Variants in TM4SF5 observed in about 807,000 individuals in gnomAD.
TM4SF5 encodes transmembrane 4 L6 family member 5.
Under a neutral mutation model 22.3 loss-of-function variants are expected in TM4SF5, and 16 were observed. That is an observed-to-expected ratio of 0.72 (90% CI 0.49 to 1.09). TM4SF5 has a LOEUF of 1.09. TM4SF5 is among the 50% of genes least tolerant of loss of function. The probability of loss-of-function intolerance (pLI) is 0.00; values close to 1 mark genes in which losing one functional copy is unlikely to be tolerated. For missense variants in TM4SF5, 249 were observed against 266.1 expected, an observed-to-expected ratio of 0.94 and a Z score of 0.45; for synonymous variants, 113 against 109.6, an observed-to-expected ratio of 1.03 and a Z score of -0.19.
chr17:4,782,728 G>T, intron 3 of TM4SF5, 89 bp downstream of exon 3: 1 of 1,581,454 alleles, frequency 6.3e-7, no homozygotes, highest in Non-Finnish European at 8.6e-7. Context: ...GGCGGGACTC[G>T]ACTTCGAGGG....
chr17:4,777,204 A>C (rs920007075), intron 1 of TM4SF5, among the ~76,000 whole-genome samples: 1 of 151,818 alleles, frequency 6.6e-6, no homozygotes, highest in African/African-American at 2.4e-5. Flanking sequence ...CTCAAAAAAA[A>C]AAAAAAAGAA....
At chr17:4,780,607 C>T (rs1342503816) in intron 1 of TM4SF5, among the ~76,000 whole-genome samples, 182 bp from the exon 2 acceptor site, 2 of 152,094 alleles carry the variant, frequency 1.3e-5, no homozygotes, top group African/African-American at 4.8e-5. Context: ...ATAAGGTAGG[C>T]ACGTAAATAA....
chr17:4,779,288 G>A (rs1917257504), intron 1 of TM4SF5, among the ~76,000 whole-genome samples: 1 of 151,966 alleles, frequency 6.6e-6, no homozygotes, highest in South Asian at 2.1e-4. Flanking sequence ...AATTAGCTGG[G>A]AATGATGACG....
intron 1 of TM4SF5, among the ~76,000 whole-genome samples, chr17:4,776,892 A>G (rs543119457): frequency 6.6e-6 from 1 of 152,264 alleles, no homozygotes; most frequent in African/African-American, 2.4e-5. Context: ...GAAGGTCTGC[A>G]ATATATACAG....
intron 1 of TM4SF5, among the ~76,000 whole-genome samples, chr17:4,774,482 T>G (rs920810745): frequency 6.8e-6 from 1 of 147,556 alleles, no homozygotes; most frequent in South Asian, 2.2e-4. Flanking sequence ...AAATGAAAGA[T>G]TGCAGTGAGC....
At chr17:4,775,727 A>G (rs951329413) in intron 1 of TM4SF5, among the ~76,000 whole-genome samples, 17 of 152,168 alleles carry the variant, frequency 1.1e-4, no homozygotes, top group Admixed American at 8.5e-4. Flanking sequence ...AAGCCCAGAC[A>G]TGCTTCTCAC....
rs773396153 is a variant in TM4SF5, at chr17:4,782,950, C to T, written c.492C>T (p.Ala164=). The T allele has an allele frequency of 1.9e-5, 31 of 1,614,120 alleles. No individual in the cohort carries two copies. The highest frequency in any genetic ancestry group is 2.7e-5 in the African/African-American group (2 of 74,944). Reference sequence around the variant, plus strand: ...TGACGCTCTTCTCGCTGCTGGTGGCCGCCTCCTGCCTGGAGATAGTACTGT... The same window carrying T: ...TGACGCTCTTCTCGCTGCTGGTGGCTGCCTCCTGCCTGGAGATAGTACTGT... ...WNVTLFSLLV[A]ASCLEIVLCG... Residue 164 remains alanine, a synonymous_variant, in exon 4 of 5, where the codon GCC becomes GCT. Coordinates refer to ENST00000270560, the MANE Select transcript of TM4SF5 (RefSeq NM_003963.3).
rs199651917 is a variant in TM4SF5 at position 4,783,051 on chromosome 17, C to T, written c.579+14C>T. ...AGGAAAAAACAGGTGAAATTTCTTG[C>T]GGTGGAGTTGTAGAGGGAACCTGCC... On this transcript the variant is annotated intron_variant, in intron 4 of 4. Transcript: ENST00000270560. 45 of 1,614,096 alleles carry T rather than the reference C, an allele frequency of 2.8e-5. No individual in the cohort carries two copies. In the Middle Eastern group the frequency reaches 8.2e-4, roughly 30 times the overall value.
intron 1 of TM4SF5, among the ~76,000 whole-genome samples, chr17:4,775,066 C>T (rs1917181340): frequency 1.3e-5 from 2 of 151,976 alleles, no homozygotes; most frequent in Admixed American, 6.6e-5. Flanking sequence ...GTTGCAGACA[C>T]TAGGGGCTGG....
chr17:4,781,993 G>A (rs1917318042), intron 2 of TM4SF5, among the ~76,000 whole-genome samples: 1 of 152,022 alleles, frequency 6.6e-6, no homozygotes, highest in African/African-American at 2.4e-5. Flanking sequence ...GGTGGGGTGG[G>A]GCCTGGGAGT....
intron 2 of TM4SF5, 136 bp downstream of exon 2, chr17:4,781,005 C>G (rs1385004892): frequency 2.8e-6 from 2 of 705,542 alleles, no homozygotes; most frequent in East Asian, 3.1e-5. Flanking sequence ...ATGGCAAGAT[C>G]CCTATCTCTA....
chr17:4,781,886 C>T (rs2150648256), intron 2 of TM4SF5, among the ~76,000 whole-genome samples: 1 of 152,102 alleles, frequency 6.6e-6, no homozygotes, highest in Non-Finnish European at 1.5e-5. Context: ...AAGCCAGCGG[C>T]CGCCGAGATT....
chr17:4,778,540 G>T (rs1917246062), intron 1 of TM4SF5, among the ~76,000 whole-genome samples: 2 of 152,114 alleles, frequency 1.3e-5, no homozygotes, highest in Non-Finnish European at 2.9e-5. Flanking sequence ...CCAGGAGGTT[G>T]AGGATGCAGT....
chr17:4,774,267 G>T (rs61479360), intron 1 of TM4SF5, among the ~76,000 whole-genome samples: 25,647 of 151,624 alleles, frequency 0.17, 2,354 homozygotes, highest in African/African-American at 0.2. Context: ...ACACAGACAG[G>T]TTCCTGCTCT....
Position 4,782,509 on chromosome 17 carries a change from C to G in TM4SF5, c.265C>G (p.Arg89Gly). 2 of 1,613,996 alleles carry G rather than the reference C, an allele frequency of 1.2e-6. No individual in the cohort carries two copies. Among genetic ancestry groups the G allele is most frequent in the Non-Finnish European group, 1.7e-6 (2 of 1,180,000 alleles). Residue 89 changes from arginine to glycine, a missense_variant, in exon 3 of 5, where the codon CGC (arginine) becomes GGC (glycine). Physicochemically the swap from Arg to Gly is moderately radical, Grantham distance 125. Transcript: ENST00000270560. ...GCCGNRCRMLRSVFSSAFGVL... is the reference protein window; with the variant it reads ...GCCGNRCRMLGSVFSSAFGVL... ...CCTTCCACACCACATCCAGATGCTG[C>G]GCTCGGTCTTCTCCTCGGCGTTCGG...
chr17:4,777,983 C>A (rs978533447), intron 1 of TM4SF5, among the ~76,000 whole-genome samples: 1 of 149,516 alleles, frequency 6.7e-6, no homozygotes, highest in African/African-American at 2.5e-5. Flanking sequence ...GAGGTCGAGG[C>A]TGCAGTGAGC....
chr17:4,781,381 G>A (rs1393144025), intron 2 of TM4SF5, among the ~76,000 whole-genome samples: 6 of 150,226 alleles, frequency 4.0e-5, no homozygotes, highest in African/African-American at 9.8e-5. Flanking sequence ...GGTGGTGGGC[G>A]CCTGTAATCC....
At chr17:4,774,829 C>A (rs1917178465) in intron 1 of TM4SF5, among the ~76,000 whole-genome samples, 1 of 152,144 alleles carries the variant, frequency 6.6e-6, no homozygotes, top group African/African-American at 2.4e-5. Flanking sequence ...ATTGCTTGAA[C>A]CCGAGAGGCG....
At chr17:4,779,055 CAA>C (rs1297196059) in intron 1 of TM4SF5, among the ~76,000 whole-genome samples, 60 of 54,742 alleles carry the variant, frequency 1.1e-3, no homozygotes, top group African/African-American at 2.3e-3. Context: ...GACTCCGTCT[CAA>C]AAAAAAAAAA....
Sources: allele counts gnomAD v4.1 joint callset (sites outside exome capture counted in the v4.1 genomes callset), GRCh38; gene constraint gnomAD v4.1.1; transcripts MANE v1.5; gene names NCBI Gene and HGNC (gene_info 2026-07-23, HGNC 2026-07-21).